CHRM5: variants seen among roughly 807,000 people sequenced by gnomAD.
CHRM5 encodes cholinergic receptor muscarinic 5.
CHRM5 carries 18 observed loss-of-function variants against 39.0 expected under a neutral mutation model. The observed-to-expected ratio is 0.46, with a 90% confidence interval of 0.32 to 0.68. CHRM5 has a LOEUF of 0.68. Ranked by LOEUF, CHRM5 falls within the 30% of genes least tolerant of loss-of-function variation. The pLI is 0.04. For missense variants in CHRM5, 515 were observed against 651.1 expected, an observed-to-expected ratio of 0.79 and a Z score of 2.28; for synonymous variants, 241 against 246.3, an observed-to-expected ratio of 0.98 and a Z score of 0.20.
At chr15:33,969,724 C>T (rs114819362) in intron 1 of CHRM5, among the ~76,000 whole-genome samples, 2,211 of 152,072 alleles carry the variant, frequency 0.015, 52 homozygotes, top group African/African-American at 0.05. Flanking sequence ...AGATACTAGA[C>T]ATTTTTATAA....
intron 1 of CHRM5, among the ~76,000 whole-genome samples, chr15:34,027,528 C>CAAAAA (rs35780353): frequency 0.045 from 6,017 of 132,366 alleles, 220 homozygotes; most frequent in Non-Finnish European, 0.07. Flanking sequence ...GACTCTGTCT[C>CAAAAA]AAAAAAAAAA....
At chr15:33,985,951 T>C (rs1375010124) in intron 1 of CHRM5, among the ~76,000 whole-genome samples, 3 of 152,202 alleles carry the variant, frequency 2.0e-5, no homozygotes, top group Non-Finnish European at 4.4e-5. Context: ...CCCAGGTGCC[T>C]GATATCTCTC....
intron 2 of CHRM5, among the ~76,000 whole-genome samples, chr15:34,052,238 G>GAA (rs369505121): frequency 2.0e-5 from 3 of 151,140 alleles, no homozygotes; most frequent in African/African-American, 7.3e-5. Context: ...CAGAACTAAA[G>GAA]AAAAAAAACC....
chr15:34,001,981 C>T (rs1174550439), intron 1 of CHRM5, among the ~76,000 whole-genome samples: 2 of 152,162 alleles, frequency 1.3e-5, no homozygotes, highest in African/African-American at 2.4e-5. Context: ...TCTTTTTAAC[C>T]TGGCAATAAT....
chr15:34,025,128 C>A (rs1373838799), intron 1 of CHRM5, among the ~76,000 whole-genome samples: 2 of 152,014 alleles, frequency 1.3e-5, no homozygotes, highest in African/African-American at 4.8e-5. Flanking sequence ...AGAGATCGCA[C>A]CACTGCACTC....
chr15:34,003,199 T>G (rs780161174), intron 1 of CHRM5: 1 of 1,613,352 alleles, frequency 6.2e-7, no homozygotes, highest in East Asian at 2.2e-5. Context: ...TGCATCGCTG[T>G]CATCTTCAAC....
intron 1 of CHRM5, chr15:34,038,794 C>G (rs1899300321): frequency 8.4e-7 from 1 of 1,190,630 alleles, no homozygotes; most frequent in Non-Finnish European, 1.0e-6. Context: ...GCGCTGGCCC[C>G]TGCGCCCCAG....
chr15:34,059,009 G>C (rs150603975), intron 2 of CHRM5, among the ~76,000 whole-genome samples: 1,728 of 152,168 alleles, frequency 0.011, 41 homozygotes, highest in African/African-American at 0.04. Flanking sequence ...CAATTCTCCT[G>C]CCTCAACCTC....
chr15:33,976,667 T>G (rs556569838), intron 1 of CHRM5, among the ~76,000 whole-genome samples: 1 of 152,254 alleles, frequency 6.6e-6, no homozygotes, highest in African/African-American at 2.4e-5. Context: ...ATATCTCCAT[T>G]TAAAATATTT....
chr15:34,038,375 C>G (rs1317020307), intron 1 of CHRM5, among the ~76,000 whole-genome samples: 1 of 152,182 alleles, frequency 6.6e-6, no homozygotes, highest in Non-Finnish European at 1.5e-5. Context: ...GGAGCGTGCC[C>G]GTAAAGGCTG....
intron 1 of CHRM5, among the ~76,000 whole-genome samples, chr15:34,015,660 G>T (rs1897867065): frequency 1.3e-5 from 2 of 151,984 alleles, no homozygotes; most frequent in Admixed American, 6.6e-5. Context: ...CTCAGAAACA[G>T]CAACACATGA....
chr15:34,000,790 G>A (rs1046723312), intron 1 of CHRM5, among the ~76,000 whole-genome samples: 1 of 152,010 alleles, frequency 6.6e-6, no homozygotes, highest in African/African-American at 2.4e-5. Context: ...GCAACAGAGT[G>A]GGAAAGAAAT....
intron 1 of CHRM5, among the ~76,000 whole-genome samples, chr15:33,973,577 G>T (rs1356852206): frequency 6.6e-6 from 1 of 151,910 alleles, no homozygotes; most frequent in African/African-American, 2.4e-5. Flanking sequence ...ATGGCCAAGC[G>T]CAACCTGTAA....
chr15:34,037,311 T>G (rs918648410), intron 1 of CHRM5, among the ~76,000 whole-genome samples: 4 of 152,018 alleles, frequency 2.6e-5, no homozygotes, highest in Non-Finnish European at 5.9e-5. Context: ...AAGGAATATC[T>G]ACTTTGTTCT....
chr15:34,020,487 G>A (rs1415380252), intron 1 of CHRM5, among the ~76,000 whole-genome samples: 3 of 152,240 alleles, frequency 2.0e-5, no homozygotes, highest in East Asian at 3.9e-4. Context: ...TCTGGTTTAA[G>A]CCTCTAAGCA....
chr15:34,061,167 G>C (rs1038633198), intron 2 of CHRM5, among the ~76,000 whole-genome samples: 3 of 152,092 alleles, frequency 2.0e-5, no homozygotes, highest in Admixed American at 6.6e-5. Flanking sequence ...AAAATGGGGA[G>C]CTTGCAAGCT....
intron 1 of CHRM5, among the ~76,000 whole-genome samples, chr15:33,973,312 T>A (rs920564096): frequency 6.6e-6 from 1 of 152,188 alleles, no homozygotes; most frequent in African/African-American, 2.4e-5. Flanking sequence ...TTATAGAATT[T>A]TTTGGTACAG....
At chr15:34,020,310 CA>C (rs5811813) in intron 1 of CHRM5, among the ~76,000 whole-genome samples, 93,710 of 147,438 alleles carry the variant, frequency 0.64, 34,162 homozygotes, top group Non-Finnish European at 0.82. Flanking sequence ...GACTCCATCT[CA>C]AAAAAAAAAG....
At chr15:34,031,095 A>G (rs1404951805) in intron 1 of CHRM5, among the ~76,000 whole-genome samples, 1 of 125,540 alleles carries the variant, frequency 8.0e-6, no homozygotes, top group Non-Finnish European at 1.6e-5. Context: ...CAACACTGAT[A>G]ATAAGCCAAA....
Sources: gnomAD v4.1 joint callset for allele counts (sites outside exome capture counted in the v4.1 genomes callset) on GRCh38, gnomAD v4.1.1 for gene constraint, MANE v1.5 for transcripts, NCBI Gene and HGNC (gene_info 2026-07-23, HGNC 2026-07-21) for gene names.